Variants in ATRNL1 observed in about 807,000 individuals in gnomAD.
ATRNL1 encodes attractin like 1.
Under a neutral mutation model 182.7 loss-of-function variants are expected in ATRNL1, and 95 were observed. The observed-to-expected ratio is 0.52, with a 90% CI of 0.44 to 0.62. The LOEUF is 0.62. Among genes scored for constraint, ATRNL1 ranks in the 20% least tolerant of loss-of-function variants. ATRNL1 has a pLI of 0.00. For missense variants in ATRNL1, 1,471 were observed against 1,679.5 expected, an observed-to-expected ratio of 0.88 and a Z score of 2.17; for synonymous variants, 576 against 568.3, an observed-to-expected ratio of 1.01 and a Z score of -0.19.
intron 27 of ATRNL1, among the ~76,000 whole-genome samples, chr10:115,729,979 C>G (rs1316144195): frequency 6.6e-6 from 1 of 151,644 alleles, no homozygotes; most frequent in Non-Finnish European, 1.5e-5. Context: ...ACTTTGGGTC[C>G]AGCATGGTGG....
chr10:115,099,689 A>G (rs1361205538), intron 1 of ATRNL1, among the ~76,000 whole-genome samples: 4 of 152,156 alleles, frequency 2.6e-5, no homozygotes, highest in Non-Finnish European at 4.4e-5. Flanking sequence ...ATTACTAATG[A>G]TATTGAGTAT....
intron 26 of ATRNL1, among the ~76,000 whole-genome samples, chr10:115,554,186 G>A (rs782274751): frequency 6.6e-6 from 1 of 151,416 alleles, no homozygotes; most frequent in Non-Finnish European, 1.5e-5. Context: ...TCAAATAAAT[G>A]CCTTTGCAGT....
intron 27 of ATRNL1, among the ~76,000 whole-genome samples, chr10:115,809,737 A>G (rs1291323877): frequency 1.3e-5 from 2 of 151,984 alleles, no homozygotes; most frequent in African/African-American, 4.8e-5. Flanking sequence ...TGTCATCTTC[A>G]AATAAACACA....
At chr10:115,728,139 A>T (rs1310642387) in intron 27 of ATRNL1, among the ~76,000 whole-genome samples, 1 of 148,280 alleles carries the variant, frequency 6.7e-6, no homozygotes, top group Non-Finnish European at 1.5e-5. Flanking sequence ...AAAAAAAAAA[A>T]AAAAAATTAG....
intron 8 of ATRNL1, among the ~76,000 whole-genome samples, chr10:115,215,155 A>G (rs1225002329): frequency 6.6e-6 from 1 of 152,202 alleles, no homozygotes; most frequent in African/African-American, 2.4e-5. Context: ...AATGTAACAC[A>G]ATTGTCAAGC....
intron 5 of ATRNL1, among the ~76,000 whole-genome samples, chr10:115,153,264 A>C (rs1318185034): frequency 6.6e-6 from 1 of 151,938 alleles, no homozygotes; most frequent in Non-Finnish European, 1.5e-5. Flanking sequence ...CTCTTTTTCT[A>C]TTGGTTGGAA....
intron 5 of ATRNL1, among the ~76,000 whole-genome samples, chr10:115,137,140 C>G (rs782638842): frequency 1.7e-4 from 26 of 152,040 alleles, no homozygotes; most frequent in Non-Finnish European, 3.5e-4. Flanking sequence ...GGTTGTGAGC[C>G]AAGATCGCAC....
intron 26 of ATRNL1, among the ~76,000 whole-genome samples, chr10:115,641,991 T>C (rs1301042119): frequency 1.3e-5 from 2 of 152,128 alleles, no homozygotes; most frequent in African/African-American, 4.8e-5. Context: ...AAGTAAACTA[T>C]AATGTAAGCT....
chr10:115,347,242 T>C (rs1554940008), intron 19 of ATRNL1, among the ~76,000 whole-genome samples: 1 of 152,190 alleles, frequency 6.6e-6, no homozygotes. Context: ...CTGTTATACT[T>C]TCTCCGGTAG....
At chr10:115,185,852 G>A (rs1198000627) in intron 8 of ATRNL1, among the ~76,000 whole-genome samples, 5 of 152,036 alleles carry the variant, frequency 3.3e-5, no homozygotes, top group African/African-American at 1.2e-4. Context: ...ATTGGACACT[G>A]TGTGCCTTTG....
chr10:115,309,681 T>C (rs1049455456), intron 17 of ATRNL1, among the ~76,000 whole-genome samples: 33 of 152,084 alleles, frequency 2.2e-4, no homozygotes, highest in Non-Finnish European at 8.8e-5. Context: ...GAGGGCTCTT[T>C]AGGGTTTTCT....
At chr10:115,487,747 C>G (rs565391753) in intron 24 of ATRNL1, among the ~76,000 whole-genome samples, 1 of 152,216 alleles carries the variant, frequency 6.6e-6, no homozygotes, top group South Asian at 2.1e-4. Flanking sequence ...ATTGCCCTGG[C>G]CAGAACTTCC....
At chr10:115,381,333 C>A (rs147416527) in intron 19 of ATRNL1, among the ~76,000 whole-genome samples, 1,772 of 151,798 alleles carry the variant, frequency 0.012, 33 homozygotes, top group African/African-American at 0.039. Flanking sequence ...GTGGCACAAT[C>A]TCGACTCACT....
chr10:115,754,682 G>T (rs1948539173), intron 27 of ATRNL1, among the ~76,000 whole-genome samples: 1 of 152,164 alleles, frequency 6.6e-6, no homozygotes, highest in South Asian at 2.1e-4. Flanking sequence ...GAACTTTAAA[G>T]TAGTGTTTTC....
intron 26 of ATRNL1, among the ~76,000 whole-genome samples, chr10:115,626,321 G>T (rs527462868): frequency 6.6e-6 from 1 of 152,136 alleles, no homozygotes; most frequent in South Asian, 2.1e-4. Flanking sequence ...TATATATGTT[G>T]CTCAGTGGCC....
In ATRNL1 at chr10:115,187,874, G is replaced by T. The variant is rs571606984; in HGVS notation, c.1348+16582G>T. 8.0e-4 allele frequency among the ~76,000 whole-genome samples: 121 copies of T among 151,606 alleles called. 2 individuals are homozygous for T. In the South Asian group the frequency reaches 0.025, roughly 31 times the overall value. On this transcript the variant is annotated intron_variant, in intron 8 of 28. Coordinates refer to ENST00000355044, the MANE Select transcript of ATRNL1 (RefSeq NM_207303.4). Reference sequence around the variant, plus strand: ...TTTTTTAATTTTTAGTAGAGATGGGGTTTCACCATGTTAACCAGGATGGTC... The same window carrying T: ...TTTTTTAATTTTTAGTAGAGATGGGTTTTCACCATGTTAACCAGGATGGTC...
At chr10:115,215,539 A>T (rs528225817) in intron 8 of ATRNL1, among the ~76,000 whole-genome samples, 158 bp from the exon 9 acceptor site, 1 of 152,088 alleles carries the variant, frequency 6.6e-6, no homozygotes, top group East Asian at 2.0e-4. Context: ...AACCTGGCAC[A>T]TACTTAATAA....
chr10:115,935,856 T>C (rs371725464), intron 28 of ATRNL1, among the ~76,000 whole-genome samples: 81 of 152,346 alleles, frequency 5.3e-4, no homozygotes, highest in African/African-American at 1.7e-3. Flanking sequence ...TTTGCCATTA[T>C]CACTTTCGGT....
At chr10:115,569,427 G>A (rs1555002823) in intron 26 of ATRNL1, among the ~76,000 whole-genome samples, 1 of 152,110 alleles carries the variant, frequency 6.6e-6, no homozygotes, top group African/African-American at 2.4e-5. Flanking sequence ...ATAGCTATGA[G>A]CAGATTACCC....
Sources: allele counts gnomAD v4.1 joint callset (sites outside exome capture counted in the v4.1 genomes callset), GRCh38; gene constraint gnomAD v4.1.1; transcripts MANE v1.5; gene names NCBI Gene and HGNC (gene_info 2026-07-23, HGNC 2026-07-21).